The following SHLD1 variants were observed in gnomAD, a reference collection of about 807,000 sequenced individuals.
SHLD1 encodes the protein RINN1-REV7-interacting novel NHEJ regulator 3.
SHLD1 carries 3 observed loss-of-function variants against 5.5 expected under a neutral mutation model. That is an observed-to-expected ratio of 0.54 (90% CI 0.25 to 1.40). SHLD1 has a LOEUF of 1.40. Ranked by LOEUF, SHLD1 falls within the 40% of genes most tolerant of loss-of-function variation. The probability of loss-of-function intolerance (pLI) is 0.15; values close to 1 mark genes in which losing one functional copy is unlikely to be tolerated. For missense variants in SHLD1, 210 were observed against 244.4 expected (o/e 0.86, Z 0.94); for synonymous variants, 92 against 94.3 (o/e 0.98, Z 0.14).
At chr20:5,830,420 C>T (rs1280475263) in intron 2 of SHLD1, among the ~76,000 whole-genome samples, 1 of 152,164 alleles carries the variant, frequency 6.6e-6, no homozygotes, top group East Asian at 1.9e-4. Context: ...TGGCTCACGC[C>T]TGTACTCCCA....
rs141417502 is a variant in SHLD1, at chr20:5,812,897, C to T, written c.178+39854C>T. ...TTTTATTTTTATTTTTTTATTGAGA[C>T]GGGGTCTCACTCTGTCACCCAGGCT... On this transcript the variant is annotated intron_variant, in intron 2 of 2. Transcript: ENST00000303142. 8.9e-3 allele frequency among the ~76,000 whole-genome samples: 1,358 copies of T among 151,910 alleles called. 16 individuals carry two copies. Among genetic ancestry groups the T allele is most frequent in the Non-Finnish European group, 0.014 (971 of 67,948 alleles).
At chr20:5,756,813 C>T (rs780140533) in intron 1 of SHLD1, 8 of 274,374 alleles carry the variant, frequency 2.9e-5, no homozygotes, top group South Asian at 1.3e-4. Context: ...GGATTACAGG[C>T]GTAAGCCACC....
At chr20:5,761,925 A>G (rs184897531) in intron 1 of SHLD1, among the ~76,000 whole-genome samples, 21 of 152,022 alleles carry the variant, frequency 1.4e-4, no homozygotes, top group Non-Finnish European at 2.8e-4. Flanking sequence ...TTAATTTCAT[A>G]TAATTCTTAT....
chr20:5,834,105 G>A (rs1414500225), intron 2 of SHLD1, among the ~76,000 whole-genome samples: 1 of 152,182 alleles, frequency 6.6e-6, no homozygotes, highest in Non-Finnish European at 1.5e-5. Context: ...CTGATTTTCA[G>A]TGAACAGTGC....
intron 2 of SHLD1, among the ~76,000 whole-genome samples, chr20:5,777,612 T>C (rs75846877): frequency 1.3e-5 from 2 of 151,598 alleles, no homozygotes; most frequent in African/African-American, 4.8e-5. Flanking sequence ...TTTTTTTTTT[T>C]TGTTTAGAGA....
At chr20:5,838,615 G>A (rs571128313) in intron 2 of SHLD1, among the ~76,000 whole-genome samples, 1 of 152,178 alleles carries the variant, frequency 6.6e-6, no homozygotes, top group Non-Finnish European at 1.5e-5. Context: ...ACAAAAATTA[G>A]CCAGGCATGG....
intron 2 of SHLD1, among the ~76,000 whole-genome samples, chr20:5,776,388 C>T (rs1398906548): frequency 6.6e-6 from 1 of 152,186 alleles, no homozygotes; most frequent in African/African-American, 2.4e-5. Context: ...CCTGTGTCCT[C>T]ATATGGCCTA....
intron 1 of SHLD1, among the ~76,000 whole-genome samples, chr20:5,755,053 C>G (rs1006679312): frequency 8.2e-6 from 1 of 122,034 alleles, no homozygotes; most frequent in African/African-American, 3.7e-5. Context: ...GAGACCCTGT[C>G]TCAAAAAAAA....
At chr20:5,861,509 C>T (rs2088162544) in intron 2 of SHLD1, among the ~76,000 whole-genome samples, 1 of 152,230 alleles carries the variant, frequency 6.6e-6, no homozygotes, top group African/African-American at 2.4e-5. Context: ...AATGCTTGTC[C>T]ATGTGTAGGC....
At chr20:5,783,425 T>C (rs2087014144) in intron 2 of SHLD1, among the ~76,000 whole-genome samples, 1 of 152,170 alleles carries the variant, frequency 6.6e-6, no homozygotes, top group Non-Finnish European at 1.5e-5. Context: ...GGTTTCACCA[T>C]GTTGGCCAGG....
intron 2 of SHLD1, among the ~76,000 whole-genome samples, chr20:5,790,014 T>C (rs2087116089): frequency 1.3e-5 from 2 of 152,118 alleles, no homozygotes; most frequent in Admixed American, 6.5e-5. Context: ...GCCTGGGACT[T>C]CCTTCCCCTG....
At position 5,766,370 on chromosome 20, in the gene SHLD1, A is replaced by G. The variant is rs181111527; in HGVS notation, c.-4-6492A>G. 6.6e-5 allele frequency among the ~76,000 whole-genome samples: 10 copies of G among 152,314 alleles called. No homozygotes were observed. In the East Asian group the frequency reaches 1.9e-3, roughly 29 times the overall value. On this transcript the variant is annotated intron_variant, in intron 1 of 2. Coordinates refer to ENST00000303142, the MANE Select transcript of SHLD1 (RefSeq NM_152504.4). ...TCACTCTCAGCCTGAGCGAATGTGT[A>G]CAACAGCACGTGACTGGGTGTCCTC...
At chr20:5,775,699 T>G (rs919748067) in intron 2 of SHLD1, among the ~76,000 whole-genome samples, 2 of 152,144 alleles carry the variant, frequency 1.3e-5, no homozygotes, top group Non-Finnish European at 2.9e-5. Context: ...CTGGTTCTGC[T>G]TCTTCCCCTG....
intron 2 of SHLD1, among the ~76,000 whole-genome samples, chr20:5,824,363 C>T (rs1280378269): frequency 6.6e-6 from 1 of 152,194 alleles, no homozygotes; most frequent in Non-Finnish European, 1.5e-5. Flanking sequence ...TCTCTATCCC[C>T]TTCCTCTATT....
intron 2 of SHLD1, among the ~76,000 whole-genome samples, chr20:5,846,431 A>G (rs113155070): frequency 1.2e-3 from 181 of 152,348 alleles, no homozygotes; most frequent in South Asian, 3.1e-3. Context: ...GCCGCAGTAA[A>G]CAGTCGTAAT....
At position 5,838,197 on chromosome 20, in the gene SHLD1, G is replaced by C. The variant is rs147905102; in HGVS notation, c.179-24827G>C. On this transcript the variant is annotated intron_variant, in intron 2 of 2. Coordinates refer to ENST00000303142, the MANE Select transcript of SHLD1 (RefSeq NM_152504.4). ...TGAGTTTGTGTGCATGTGTGTGCCT[G>C]AGACTTATATGCTTACCTGCTGTAA... Among the ~76,000 whole-genome samples, 376 of 152,306 alleles carry C rather than the reference G, an allele frequency of 2.5e-3. 3 individuals carry two copies. Among genetic ancestry groups the C allele is most frequent in the African/African-American group, 8.6e-3 (357 of 41,568 alleles).
At chr20:5,751,893 A>ATAT (rs574553180) in intron 1 of SHLD1, among the ~76,000 whole-genome samples, 42 of 152,318 alleles carry the variant, frequency 2.8e-4, no homozygotes, top group African/African-American at 9.9e-4. Context: ...AAAAAGGTGG[A>ATAT]TATGTCCAAG....
rs910746233 is a variant in SHLD1 at position 5,855,299 on chromosome 20, C to T, written c.179-7725C>T. 6.6e-6 allele frequency among the ~76,000 whole-genome samples: 1 copy of T among 152,128 alleles called. No homozygotes were observed. The highest frequency in any genetic ancestry group is 2.4e-5 in the African/African-American group (1 of 41,424). On this transcript the variant is annotated intron_variant, in intron 2 of 2. Coordinates refer to ENST00000303142, the MANE Select transcript of SHLD1 (RefSeq NM_152504.4). The surrounding 1 kb of genome is among the most constrained non-coding windows in gnomAD (Gnocchi z 4.4). ...TCCTCAGGGTTCGTTCATGTTGTAG[C>T]GTGTGTCACAGTGTCCTTTCTTTTT...
At chr20:5,787,126 A>G (rs751241219) in intron 2 of SHLD1, among the ~76,000 whole-genome samples, 6 of 152,182 alleles carry the variant, frequency 3.9e-5, no homozygotes, top group Non-Finnish European at 7.3e-5. Flanking sequence ...CCATCAATCA[A>G]TCTGCCTCAT....
Sources: allele counts gnomAD v4.1 joint callset (sites outside exome capture counted in the v4.1 genomes callset), GRCh38; gene constraint gnomAD v4.1.1; non-coding constraint Gnocchi (gnomAD v3.1); transcripts MANE v1.5; gene names NCBI Gene and HGNC (gene_info 2026-07-23, HGNC 2026-07-21).